The following SHISA9 variants were observed in gnomAD, a reference collection of about 807,000 sequenced individuals.
The protein encoded by SHISA9 is shisa family member 9.
SHISA9 carries 13 observed loss-of-function variants against 38.0 expected under a neutral mutation model. The observed-to-expected ratio is 0.34, with a 90% confidence interval of 0.22 to 0.54. SHISA9 has a LOEUF of 0.54. SHISA9 is among the 20% of genes least tolerant of loss of function. The pLI is 0.91. For missense variants in SHISA9, 538 were observed against 575.8 expected (o/e 0.93, Z 0.67); for synonymous variants, 275 against 242.0 (o/e 1.14, Z -1.27).
chr16:12,924,042 C>A (rs1249789600), intron 2 of SHISA9, among the ~76,000 whole-genome samples: 1 of 143,966 alleles, frequency 6.9e-6, no homozygotes, highest in African/African-American at 2.5e-5. Context: ...TTTCTTAGTC[C>A]AAATTATCCA....
At chr16:12,991,321 T>G (rs1427085156) in intron 2 of SHISA9, among the ~76,000 whole-genome samples, 1 of 152,224 alleles carries the variant, frequency 6.6e-6, no homozygotes, top group African/African-American at 2.4e-5. Context: ...CAAAACTTAC[T>G]GAACATTGTT....
chr16:13,188,845 C>G (rs1417940454), intron 2 of SHISA9, among the ~76,000 whole-genome samples: 4 of 150,598 alleles, frequency 2.7e-5, no homozygotes, highest in Non-Finnish European at 5.9e-5. Context: ...TCCTATCACC[C>G]AGTACCCCCA....
chr16:13,459,356 A>C, the SHISA9 span, among the ~76,000 whole-genome samples: 1 of 152,060 alleles, frequency 6.6e-6, no homozygotes, highest in South Asian at 2.1e-4. Flanking sequence ...TGGTATAGAG[A>C]TCTCTCAATA....
chr16:13,376,118 C>T, the SHISA9 span, among the ~76,000 whole-genome samples: 11 of 152,280 alleles, frequency 7.2e-5, no homozygotes, highest in African/African-American at 2.6e-4. Flanking sequence ...AAATGAAATA[C>T]CACACAATGA....
the SHISA9 span, among the ~76,000 whole-genome samples, chr16:13,271,904 A>G: frequency 6.6e-6 from 1 of 152,068 alleles, no homozygotes; most frequent in Non-Finnish European, 1.5e-5. Context: ...CAACATGGTG[A>G]AACCCCTCTA....
intron 2 of SHISA9, among the ~76,000 whole-genome samples, chr16:12,974,035 G>GACACAAGACACAA: frequency 6.6e-6 from 1 of 152,330 alleles, no homozygotes; most frequent in South Asian, 2.1e-4. Context: ...CACAAGTCAA[G>GACACAAGACACAA]GGTCTCCAGC....
chr16:13,336,094 G>T, the SHISA9 span, among the ~76,000 whole-genome samples: 1 of 152,162 alleles, frequency 6.6e-6, no homozygotes, highest in African/African-American at 2.4e-5. Flanking sequence ...CACATCAGAA[G>T]TCCCGTGGTT....
intron 2 of SHISA9, among the ~76,000 whole-genome samples, chr16:13,084,426 G>A (rs913466065): frequency 6.6e-6 from 1 of 152,220 alleles, no homozygotes; most frequent in Non-Finnish European, 1.5e-5. Context: ...CTTGCTTCAG[G>A]AGAGGCTTGT....
chr16:13,356,037 T>G, the SHISA9 span, among the ~76,000 whole-genome samples: 25 of 152,276 alleles, frequency 1.6e-4, no homozygotes, highest in East Asian at 4.1e-3. Flanking sequence ...TGTAGCAAGC[T>G]CCTGTGGGAG....
chr16:13,548,639 C>T, the SHISA9 span, among the ~76,000 whole-genome samples: 1 of 151,902 alleles, frequency 6.6e-6, no homozygotes, highest in Admixed American at 6.6e-5. Flanking sequence ...CAGGGAAATG[C>T]AAATCAGAAC....
intron 2 of SHISA9, among the ~76,000 whole-genome samples, chr16:13,092,311 C>G (rs749237877): frequency 2.0e-5 from 3 of 152,216 alleles, no homozygotes. Flanking sequence ...TCTGTCTGTT[C>G]TCAGAGCTCA....
chr16:13,393,171 G>C, the SHISA9 span, among the ~76,000 whole-genome samples: 1 of 152,092 alleles, frequency 6.6e-6, no homozygotes, highest in African/African-American at 2.4e-5. Context: ...TGATACCCTC[G>C]TGCTCACTGT....
At chr16:13,080,514 A>T (rs1169651917) in intron 2 of SHISA9, among the ~76,000 whole-genome samples, 1 of 152,158 alleles carries the variant, frequency 6.6e-6, no homozygotes, top group Non-Finnish European at 1.5e-5. Context: ...CTTCATGGGT[A>T]AGGGAGAATG....
At chr16:12,913,302 T>G (rs1174945427) in intron 1 of SHISA9, among the ~76,000 whole-genome samples, 1 of 152,130 alleles carries the variant, frequency 6.6e-6, no homozygotes, top group Non-Finnish European at 1.5e-5. Flanking sequence ...GTTCAAGCAA[T>G]TCTCCTGCCC....
At position 13,006,422 on chromosome 16, in the gene SHISA9, G is replaced by A. The variant is rs536845799; in HGVS notation, c.691+89607G>A. Among the ~76,000 whole-genome samples, 4 of 152,262 alleles carry A rather than the reference G, an allele frequency of 2.6e-5. No homozygotes were observed. In the East Asian group the frequency reaches 5.8e-4, roughly 22 times the overall value. On this transcript the variant is annotated intron_variant, in intron 2 of 4. Transcript: ENST00000558583. ...ACCTGTGACAGTATTTATCAAGCAC[G>A]TTCTCTGTCTCTCCAACTTGTGACT...
chr16:13,099,464 C>A (rs60954742), intron 2 of SHISA9, among the ~76,000 whole-genome samples: 1 of 152,078 alleles, frequency 6.6e-6, no homozygotes, highest in African/African-American at 2.4e-5. Flanking sequence ...TAGTTCTGAG[C>A]AGGCTGAGAG....
At chr16:13,134,581 G>A (rs1190446891) in intron 2 of SHISA9, among the ~76,000 whole-genome samples, 2 of 152,148 alleles carry the variant, frequency 1.3e-5, no homozygotes, top group Non-Finnish European at 1.5e-5. Flanking sequence ...TGGGTTTGAT[G>A]TGGCCGGAGC....
chr16:13,062,966 C>A (rs1202643246), intron 2 of SHISA9, among the ~76,000 whole-genome samples: 1 of 142,578 alleles, frequency 7.0e-6, no homozygotes, highest in African/African-American at 2.6e-5. Context: ...CTTTCGGACG[C>A]ATCCCTCACT....
chr16:13,339,281 C>G, the SHISA9 span, among the ~76,000 whole-genome samples: 4 of 151,444 alleles, frequency 2.6e-5, no homozygotes, highest in African/African-American at 9.7e-5. Context: ...AGTCTTTCAC[C>G]TTATTATTTT....
Sources: allele counts gnomAD v4.1 joint callset (sites outside exome capture counted in the v4.1 genomes callset), GRCh38; gene constraint gnomAD v4.1.1; transcripts MANE v1.5; gene names NCBI Gene and HGNC (gene_info 2026-07-23, HGNC 2026-07-21).